Variants in BCL11A observed in about 807,000 individuals in gnomAD.
BCL11A encodes B cell CLL/lymphoma 11A.
In BCL11A, 2 loss-of-function variants were observed where a neutral mutation model predicts 55.9. The ratio of observed to expected loss-of-function variants is 0.04; its 90% CI spans 0.01 to 0.11. The LOEUF (loss-of-function observed/expected upper bound fraction) is 0.11. Among genes scored for constraint, BCL11A ranks in the 10% least tolerant of loss-of-function variants. The pLI is 1.00. For synonymous variants in BCL11A, 465 were observed against 473.4 expected, an observed-to-expected ratio of 0.98 and a Z score of 0.23; for missense variants, 817 against 1,137.1, an observed-to-expected ratio of 0.72 and a Z score of 4.05.
intron 3 of BCL11A, among the ~76,000 whole-genome samples, chr2:60,464,272 C>T (rs370884947): frequency 1.3e-5 from 2 of 152,138 alleles, no homozygotes; most frequent in South Asian, 4.1e-4. Context: ...TGAAAGAAAA[C>T]GCTGACATTA....
intron 2 of BCL11A, among the ~76,000 whole-genome samples, chr2:60,488,561 T>C (rs2104281133): frequency 6.6e-6 from 1 of 152,370 alleles, no homozygotes; most frequent in East Asian, 1.9e-4. Context: ...GGAAACCCTG[T>C]TATGGCTGTA....
chr2:60,474,930 A>G (rs1439735477), intron 2 of BCL11A, among the ~76,000 whole-genome samples: 2 of 152,218 alleles, frequency 1.3e-5, no homozygotes, highest in African/African-American at 2.4e-5. Context: ...GTCATGAGAG[A>G]GGTACAGATG....
downstream of BCL11A, among the ~76,000 whole-genome samples, chr2:60,454,931 C>T (rs1034094351): frequency 2.6e-5 from 4 of 152,216 alleles, no homozygotes; most frequent in Non-Finnish European, 5.9e-5. Flanking sequence ...CTGGGAAAAA[C>T]TCAACTACTT....
At position 60,457,785 on chromosome 2, in the gene BCL11A, C is replaced by T. The variant is rs1318205088; in HGVS notation, c.*2619G>A. ...ACAAAAAGCACACTACATAACAAAC[C>T]AACGTTATTAGCTTGCAGTACTGCA... On this transcript the variant is annotated 3_prime_UTR_variant, in exon 4 of 4. Coordinates refer to ENST00000642384, the MANE Select transcript of BCL11A (RefSeq NM_022893.4). 9.6e-7 allele frequency: 1 copy of T among 1,041,316 alleles called. No homozygotes were observed. The highest frequency in any genetic ancestry group is 1.2e-6 in the Non-Finnish European group (1 of 864,628). The allele number at this position is 1,041,316 out of a possible 1,614,324, so 64.5% of individuals were successfully genotyped here. A position where few individuals can be genotyped will look rare whatever the true frequency, so the allele number is the denominator to read the frequency against.
At chr2:60,521,331 C>A (rs1430385498) in intron 2 of BCL11A, among the ~76,000 whole-genome samples, 2 of 152,208 alleles carry the variant, frequency 1.3e-5, no homozygotes, top group African/African-American at 4.8e-5. Flanking sequence ...CGAGAGAGAG[C>A]GGACATTTTG....
At chr2:60,535,941 GCTAA>G (rs1207360076) in intron 2 of BCL11A, 1 of 152,192 alleles carries the variant, frequency 6.6e-6, no homozygotes, top group Non-Finnish European at 1.5e-5. Context: ...TTGCTTGAAT[GCTAA>G]CTCACACCTT....
chr2:60,524,957 T>C (rs1490931278), intron 2 of BCL11A: 1 of 152,260 alleles, frequency 6.6e-6, no homozygotes, highest in African/African-American at 2.4e-5. Context: ...CATATGCTTT[T>C]ACCTACATGA....
At chr2:60,470,319 T>A (rs1456204888) in intron 2 of BCL11A, among the ~76,000 whole-genome samples, 3 of 152,178 alleles carry the variant, frequency 2.0e-5, no homozygotes, top group Non-Finnish European at 4.4e-5. Context: ...ATGTCTACAT[T>A]TGACTGTTTA....
At chr2:60,489,423 C>T (rs563012490) in intron 2 of BCL11A, among the ~76,000 whole-genome samples, 1 of 152,326 alleles carries the variant, frequency 6.6e-6, no homozygotes, top group African/African-American at 2.4e-5. Flanking sequence ...CTCCTAGAAG[C>T]CCTTATTTCT....
chr2:60,500,969 C>G (rs1038335016), intron 2 of BCL11A, among the ~76,000 whole-genome samples: 11 of 152,202 alleles, frequency 7.2e-5, no homozygotes, highest in African/African-American at 2.7e-4. Context: ...GGTGGGCTTG[C>G]AAGCATTTCT....
chr2:60,463,632 C>T (rs1161889028), intron 3 of BCL11A, among the ~76,000 whole-genome samples: 1 of 152,096 alleles, frequency 6.6e-6, no homozygotes, highest in Non-Finnish European at 1.5e-5. Context: ...CAAAATATTT[C>T]ATTTGGGGAG....
rs1285829808 is a variant in BCL11A at position 60,468,837 on chromosome 2, T to C, written c.386-4A>G. 6.3e-7 allele frequency: 1 copy of C among 1,598,882 alleles called. No individual in the cohort carries two copies. ...CCCCTCCAGTGCAGAAGTTTATCTG[T>C]GAAAGAAACCCAAAATCAAGCACTA... On this transcript the variant is annotated splice_polypyrimidine_tract_variant and splice_region_variant and intron_variant, in intron 2 of 3. Transcript: ENST00000642384.
At chr2:60,545,219 G>C (rs1161600656) in intron 2 of BCL11A, 1 of 152,290 alleles carries the variant, frequency 6.6e-6, no homozygotes, top group Non-Finnish European at 1.5e-5. Context: ...AGGCTGCAGG[G>C]AGCAGCCGTT....
intron 3 of BCL11A, among the ~76,000 whole-genome samples, chr2:60,464,220 C>T (rs1676476159): frequency 6.6e-6 from 1 of 152,108 alleles, no homozygotes; most frequent in African/African-American, 2.4e-5. Context: ...AGGTTTCAAA[C>T]ATTTGTCTAA....
chr2:60,460,182 A>T lies in BCL11A; in HGVS notation c.*222T>A. The T allele has an allele frequency of 4.8e-6, 6 of 1,257,408 alleles. No individual in the cohort carries two copies. The highest frequency in any genetic ancestry group is 2.6e-5 in the South Asian group (1 of 38,962). 77.9% of individuals were successfully genotyped at this position (1,257,408 alleles called of 1,614,324 possible). A position where few individuals can be genotyped will look rare whatever the true frequency, so the allele number is the denominator to read the frequency against. ...AGAACATAAAGGAAAAAAAAAAAAAAGGAAAAAGAAAAAAGAAAAAGAAAA... is the reference window on the plus strand; with the variant it reads ...AGAACATAAAGGAAAAAAAAAAAAATGGAAAAAGAAAAAAGAAAAAGAAAA... On this transcript the variant is annotated 3_prime_UTR_variant, in exon 4 of 4. Coordinates refer to ENST00000642384, the MANE Select transcript of BCL11A (RefSeq NM_022893.4).
intron 2 of BCL11A, among the ~76,000 whole-genome samples, chr2:60,505,813 C>A (rs1679557626): frequency 1.3e-5 from 2 of 152,142 alleles, no homozygotes; most frequent in Admixed American, 1.3e-4. Flanking sequence ...ATGGGAAGGG[C>A]CAATTACAGA....
chr2:60,537,205 G>T (rs1669708217), intron 2 of BCL11A: 2 of 152,062 alleles, frequency 1.3e-5, no homozygotes, highest in Admixed American at 6.6e-5. Context: ...ACATGAGAAG[G>T]TTACGATTTA....
intron 2 of BCL11A, among the ~76,000 whole-genome samples, chr2:60,539,366 C>G (rs58584585): frequency 0.014 from 2,059 of 152,338 alleles, 53 homozygotes; most frequent in African/African-American, 0.047. Flanking sequence ...TCACCACCCC[C>G]CATGCCTCAA....
chr2:60,461,185 G>A lies in BCL11A; in HGVS notation c.1727C>T (p.Ala576Val), dbSNP rs1676248432. The A allele has an allele frequency of 6.2e-7, 1 of 1,612,548 alleles. No individual in the cohort carries two copies. The highest frequency in any genetic ancestry group is 1.6e-4 in the Middle Eastern group (1 of 6,062). The part of the protein sequence containing the change: ...LGEKHKRGHL[A>V]EAEGHRDTCD... ...AGTGTCCCTGTGGCCCTCGGCCTCG[G>A]CCAGGTGGCCGCGCTTATGCTTCTC... Residue 576 changes from alanine (A) to valine (V), a missense_variant, in exon 4 of 4, where the codon GCC becomes GTC. Ala to Val is a moderately conservative substitution (Grantham distance 64). Around this residue, in one of 4 missense-constraint regions of BCL11A, gnomAD observed 379 missense variants for 425.3 expected, o/e 0.89. Coordinates refer to ENST00000642384, the MANE Select transcript of BCL11A (RefSeq NM_022893.4).
Sources: allele counts gnomAD v4.1 joint callset (sites outside exome capture counted in the v4.1 genomes callset), GRCh38; gene constraint gnomAD v4.1.1; regional missense constraint gnomAD v4.1.1; transcripts MANE v1.5; gene names NCBI Gene and HGNC (gene_info 2026-07-23, HGNC 2026-07-21).